SLC25A37: variants seen among roughly 807,000 people sequenced by gnomAD.
The protein encoded by SLC25A37 is solute carrier family 25 member 37.
SLC25A37 carries 17 observed loss-of-function variants against 31.0 expected under a neutral mutation model. The observed-to-expected ratio is 0.55, with a 90% CI of 0.38 to 0.82. The LOEUF (loss-of-function observed/expected upper bound fraction) is 0.82, where lower values mean the gene tolerates loss of function less well. Among genes scored for constraint, SLC25A37 ranks in the 40% least tolerant of loss-of-function variants. SLC25A37 has a pLI of 0.00. For synonymous variants in SLC25A37, 222 were observed against 193.0 expected (o/e 1.15, Z -1.24); for missense variants, 404 against 465.8 (o/e 0.87, Z 1.22).
chr8:23,565,087 T>C (rs1206031966), intron 1 of SLC25A37, among the ~76,000 whole-genome samples: 2 of 152,222 alleles, frequency 1.3e-5, no homozygotes, highest in Non-Finnish European at 2.9e-5. Context: ...GGAGGCAGAA[T>C]TTCTTCCTTG....
intron 1 of SLC25A37, among the ~76,000 whole-genome samples, chr8:23,546,593 ATATAGTGTATGTG>A (rs1416086364): frequency 0.034 from 3,721 of 110,064 alleles, 205 homozygotes; most frequent in African/African-American, 0.13. Context: ...GTGTATATAT[ATATAGTGTATGTG>A]TGTGTGTGTG....
chr8:23,573,930 C>T lies in SLC25A37; in HGVS notation c.*2075C>T, dbSNP rs895043634. Reference sequence around the variant, plus strand: ...TGTTTACATCTCCGCTCTCAACCTGCCTTGGGTTCGTGTTAAATGGTGTTA... The same window carrying T: ...TGTTTACATCTCCGCTCTCAACCTGTCTTGGGTTCGTGTTAAATGGTGTTA... On this transcript the variant is annotated 3_prime_UTR_variant, in exon 4 of 4. Coordinates refer to ENST00000519973, the MANE Select transcript of SLC25A37 (RefSeq NM_016612.4). 9.1e-6 allele frequency: 4 copies of T among 439,224 alleles called. No individual in the cohort carries two copies. Among genetic ancestry groups the T allele is most frequent in the Admixed American group, 2.4e-5 (1 of 41,990 alleles). 27.2% of individuals were successfully genotyped at this position (439,224 alleles called of 1,614,324 possible).
At chr8:23,554,069 T>G (rs2978471) in intron 1 of SLC25A37, among the ~76,000 whole-genome samples, 71,009 of 151,974 alleles carry the variant, frequency 0.47, 17,023 homozygotes, top group African/African-American at 0.58. Context: ...ATAGCCTAGT[T>G]GTTAACAGCA....
intron 1 of SLC25A37, among the ~76,000 whole-genome samples, chr8:23,543,765 C>T (rs117021667): frequency 0.063 from 9,532 of 151,690 alleles, 656 homozygotes; most frequent in East Asian, 0.34. Flanking sequence ...GATCTCCTGA[C>T]CTTGTTTTGA....
At chr8:23,553,461 T>A (rs1802282129) in intron 1 of SLC25A37, among the ~76,000 whole-genome samples, 1 of 151,996 alleles carries the variant, frequency 6.6e-6, no homozygotes, top group African/African-American at 2.4e-5. Context: ...AACCAACAAT[T>A]TTGAGGATGA....
intron 1 of SLC25A37, among the ~76,000 whole-genome samples, chr8:23,550,251 G>C (rs1233988189): frequency 9.4e-6 from 1 of 106,466 alleles, no homozygotes; most frequent in Non-Finnish European, 1.7e-5. Flanking sequence ...GTGGAATTGA[G>C]TTCATCTCTG....
At chr8:23,556,467 C>A (rs1424619349) in intron 1 of SLC25A37, among the ~76,000 whole-genome samples, 2 of 151,990 alleles carry the variant, frequency 1.3e-5, no homozygotes, top group African/African-American at 4.8e-5. Context: ...AGCAAGTGAT[C>A]CACCTGCCTT....
chr8:23,571,256 T>C, intron 3 of SLC25A37, 79 bp from the exon 4 acceptor site: 1 of 1,444,846 alleles, frequency 6.9e-7, no homozygotes, highest in Non-Finnish European at 9.1e-7. Flanking sequence ...CTTGGCTTCA[T>C]TCCGACCTGG....
Position 23,546,622 on chromosome 8 carries a change from A to G in SLC25A37, c.210+17410A>G, listed in dbSNP as rs538547545. Among the ~76,000 whole-genome samples, 132 of 140,794 alleles carry G rather than the reference A, an allele frequency of 9.4e-4. 1 individual carries two copies. Among genetic ancestry groups the G allele is most frequent in the African/African-American group, 2.6e-3 (99 of 38,394 alleles). 92.4% of individuals were successfully genotyped at this position (140,794 alleles called of 152,430 possible). A position where few individuals can be genotyped will look rare whatever the true frequency, so the allele number is the denominator to read the frequency against. On this transcript the variant is annotated intron_variant, in intron 1 of 3. Transcript: ENST00000519973. ...AGTGTATGTGTGTGTGTGTGTGTGT[A>G]TATATATATATATTTGGGCCAGGAA...
At chr8:23,564,666 A>G (rs541840272) in intron 1 of SLC25A37, among the ~76,000 whole-genome samples, 3 of 152,110 alleles carry the variant, frequency 2.0e-5, no homozygotes, top group Non-Finnish European at 4.4e-5. Flanking sequence ...AGAAACAGGT[A>G]ATAGGATGTG....
At chr8:23,539,024 G>A (rs10503725) in intron 1 of SLC25A37, among the ~76,000 whole-genome samples, 7,617 of 152,238 alleles carry the variant, frequency 0.05, 323 homozygotes, top group Admixed American at 0.098. Context: ...GGAGGCTCAA[G>A]TTGGCTCACA....
rs572536895 is a variant in SLC25A37 at position 23,541,122 on chromosome 8, G to C, written c.210+11910G>C. Reference sequence around the variant, plus strand: ...TGCCGCCCATTTGGCTGGCTAATGAGGAAGAGCCAGTGCTGCTCACAGCAT... The same window carrying C: ...TGCCGCCCATTTGGCTGGCTAATGACGAAGAGCCAGTGCTGCTCACAGCAT... On this transcript the variant is annotated intron_variant, in intron 1 of 3. Coordinates refer to ENST00000519973, the MANE Select transcript of SLC25A37 (RefSeq NM_016612.4). Among the ~76,000 whole-genome samples, 12 of 152,110 alleles carry C rather than the reference G, an allele frequency of 7.9e-5. No homozygotes were observed. The East Asian group carries it at 1.5e-3, about 20-fold the overall frequency.
In SLC25A37 at chr8:23,571,417, G is replaced by GT; in HGVS notation, c.581dup (p.Leu194PhefsTer27). 6.2e-7 allele frequency: 1 copy of GT among 1,613,882 alleles called. No individual in the cohort carries two copies. Among genetic ancestry groups the GT allele is most frequent in the Non-Finnish European group, 8.5e-7 (1 of 1,179,846 alleles). On this transcript the variant is annotated frameshift_variant, in exon 4 of 4. Coordinates refer to ENST00000519973, the MANE Select transcript of SLC25A37 (RefSeq NM_016612.4). LOFTEE classifies it high-confidence loss of function. The stretch of plus-strand genomic sequence containing the variant: ...TCCGGACGGTGTGGAGGACCGAGGG[G>GT]TTGGGGGCCTTCTACCGGAGCTACA...
intron 1 of SLC25A37, chr8:23,542,961 A>G (rs571505669): frequency 9.8e-5 from 15 of 152,390 alleles, no homozygotes; most frequent in East Asian, 1.9e-4. Flanking sequence ...GAGCTGTACA[A>G]TGTGTTTTGT....
chr8:23,570,203 G>T (rs1044159616), intron 3 of SLC25A37, among the ~76,000 whole-genome samples: 1 of 152,030 alleles, frequency 6.6e-6, no homozygotes, highest in African/African-American at 2.4e-5. Context: ...CATGCTGAAG[G>T]GACACACACC....
At chr8:23,557,457 C>A (rs1460534316) in intron 1 of SLC25A37, among the ~76,000 whole-genome samples, 1 of 152,176 alleles carries the variant, frequency 6.6e-6, no homozygotes, top group African/African-American at 2.4e-5. Flanking sequence ...GAAGACAGTC[C>A]TTTCCATAAA....
chr8:23,566,669 C>T, intron 2 of SLC25A37: 2 of 1,036,276 alleles, frequency 1.9e-6, no homozygotes, highest in African/African-American at 1.7e-5. Flanking sequence ...AATGATCAGA[C>T]ATAGGAGAAA....
chr8:23,532,718 G>A (rs561139203), intron 1 of SLC25A37, among the ~76,000 whole-genome samples: 19 of 152,318 alleles, frequency 1.2e-4, no homozygotes, highest in African/African-American at 4.1e-4. Flanking sequence ...ACCACGGAGC[G>A]TTCCCTCTAG....
At chr8:23,558,909 C>T (rs1260907309) in intron 1 of SLC25A37, among the ~76,000 whole-genome samples, 7 of 152,220 alleles carry the variant, frequency 4.6e-5, no homozygotes, top group Non-Finnish European at 1.0e-4. Context: ...CTCCAGGGGC[C>T]AGCCACACAA....
Sources: allele counts gnomAD v4.1 joint callset (sites outside exome capture counted in the v4.1 genomes callset), GRCh38; gene constraint gnomAD v4.1.1; transcripts MANE v1.5; gene names NCBI Gene and HGNC (gene_info 2026-07-23, HGNC 2026-07-21).